The following KLHL32 variants were observed in gnomAD, a reference collection of about 807,000 sequenced individuals.
The protein encoded by KLHL32 is kelch like family member 32.
KLHL32 carries 35 observed loss-of-function variants against 64.8 expected under a neutral mutation model. The observed-to-expected ratio is 0.54, with a 90% CI of 0.41 to 0.72. The LOEUF (loss-of-function observed/expected upper bound fraction) is 0.72, where lower values mean the gene tolerates loss of function less well. Among genes scored for constraint, KLHL32 ranks in the 30% least tolerant of loss-of-function variants. The probability of loss-of-function intolerance (pLI) is 0.00; values close to 1 mark genes in which losing one functional copy is unlikely to be tolerated. For synonymous variants in KLHL32, 259 were observed against 281.0 expected (o/e 0.92, Z 0.78); for missense variants, 589 against 768.5 (o/e 0.77, Z 2.76).
chr6:97,006,203 A>T (rs1779641917), intron 3 of KLHL32, among the ~76,000 whole-genome samples: 1 of 152,198 alleles, frequency 6.6e-6, no homozygotes, highest in Non-Finnish European at 1.5e-5. Context: ...TATTAGGTGC[A>T]TACATATTTA....
intron 6 of KLHL32, among the ~76,000 whole-genome samples, chr6:97,099,091 A>G (rs1367888473): frequency 6.6e-6 from 1 of 152,228 alleles, no homozygotes; most frequent in East Asian, 1.9e-4. Flanking sequence ...TTTCTGGTCT[A>G]AGCCTGACTG....
chr6:97,015,478 G>A (rs907041363), intron 3 of KLHL32, among the ~76,000 whole-genome samples: 1 of 152,186 alleles, frequency 6.6e-6, no homozygotes, highest in African/African-American at 2.4e-5. Context: ...TTGGGAACTG[G>A]AGCAAAGGTC....
chr6:97,038,646 A>G (rs1784645331), intron 3 of KLHL32, among the ~76,000 whole-genome samples: 1 of 152,180 alleles, frequency 6.6e-6, no homozygotes, highest in South Asian at 2.1e-4. Flanking sequence ...TGACTCAGCA[A>G]TTTTACTACT....
At chr6:97,117,069 G>T (rs180825297) in intron 7 of KLHL32, among the ~76,000 whole-genome samples, 3 of 152,148 alleles carry the variant, frequency 2.0e-5, no homozygotes, top group African/African-American at 7.2e-5. Context: ...TCAGTCATCT[G>T]CCTCTTTCCT....
At chr6:96,988,223 C>T (rs573304682) in intron 3 of KLHL32, among the ~76,000 whole-genome samples, 2 of 152,298 alleles carry the variant, frequency 1.3e-5, no homozygotes, top group East Asian at 3.9e-4. Context: ...GGGCTAATAT[C>T]CAGAATCTAC....
chr6:97,032,331 A>G (rs1302112054), intron 3 of KLHL32, among the ~76,000 whole-genome samples: 1 of 152,220 alleles, frequency 6.6e-6, no homozygotes, highest in East Asian at 1.9e-4. Flanking sequence ...TTGTATTGAT[A>G]TAAAATGATT....
chr6:97,077,612 T>TA, intron 5 of KLHL32, among the ~76,000 whole-genome samples: 1 of 152,320 alleles, frequency 6.6e-6, no homozygotes. Context: ...AAAAACCCAG[T>TA]ACCTAGATAG....
chr6:97,027,161 C>CAAAA (rs59057028), intron 3 of KLHL32, among the ~76,000 whole-genome samples: 1 of 110,692 alleles, frequency 9.0e-6, no homozygotes, highest in African/African-American at 2.9e-5. Context: ...GATTCCCTCT[C>CAAAA]AAAAAAAAAA....
chr6:96,973,730 C>CTCTTTCTTTTTTTTTTTTTTTTT (rs1554208428), intron 2 of KLHL32, among the ~76,000 whole-genome samples: 2 of 118,256 alleles, frequency 1.7e-5, no homozygotes, highest in Admixed American at 8.4e-5. Context: ...TACAGATTGC[C>CTCTTTCTTTTTTTTTTTTTTTTT]TTTTTTTTTT....
At chr6:96,919,313 GA>G in the KLHL32 span, among the ~76,000 whole-genome samples, 251 of 152,200 alleles carry the variant, frequency 1.6e-3, 6 homozygotes, top group East Asian at 0.016. Context: ...CTAACACAAG[GA>G]ACTCTGATTT....
intron 5 of KLHL32, among the ~76,000 whole-genome samples, chr6:97,084,802 C>T (rs1793134443): frequency 6.6e-6 from 1 of 152,062 alleles, no homozygotes; most frequent in Non-Finnish European, 1.5e-5. Context: ...AAAGCAATTG[C>T]CCTCATTAGT....
intron 5 of KLHL32, among the ~76,000 whole-genome samples, chr6:97,081,463 C>A (rs1792508771): frequency 6.6e-6 from 1 of 152,158 alleles, no homozygotes; most frequent in African/African-American, 2.4e-5. Flanking sequence ...CTGGGAGGGG[C>A]AGTCTATTCT....
At chr6:97,007,381 T>G (rs2128086497) in intron 3 of KLHL32, among the ~76,000 whole-genome samples, 1 of 152,352 alleles carries the variant, frequency 6.6e-6, no homozygotes, top group Admixed American at 6.5e-5. Flanking sequence ...TTTTCGCTCC[T>G]GTTTCATTTT....
At chr6:97,044,318 G>A (rs1273015444) in intron 4 of KLHL32, among the ~76,000 whole-genome samples, 2 of 151,986 alleles carry the variant, frequency 1.3e-5, no homozygotes, top group Non-Finnish European at 2.9e-5. Flanking sequence ...TGCATATGTT[G>A]AATCATCATT....
intron 3 of KLHL32, among the ~76,000 whole-genome samples, chr6:97,010,888 T>C (rs1358091707): frequency 6.6e-6 from 1 of 152,208 alleles, no homozygotes; most frequent in African/African-American, 2.4e-5. Flanking sequence ...TATTAGAAAT[T>C]TGAAGTACCA....
At chr6:96,976,275 C>A in intron 3 of KLHL32, 98 bp downstream of exon 3, 2 of 1,152,844 alleles carry the variant, frequency 1.7e-6, no homozygotes, top group East Asian at 2.6e-5. Flanking sequence ...TAGGTGGTAC[C>A]CCCAGAGCTG....
upstream of KLHL32, among the ~76,000 whole-genome samples, chr6:96,921,502 C>A (rs562715550): frequency 6.6e-6 from 1 of 152,174 alleles, no homozygotes; most frequent in Non-Finnish European, 1.5e-5. Context: ...TAGAGAACAT[C>A]AGCCAAAAAT....
chr6:97,087,374 T>G (rs532383410), intron 6 of KLHL32, among the ~76,000 whole-genome samples: 2 of 152,186 alleles, frequency 1.3e-5, no homozygotes, highest in South Asian at 4.1e-4. Context: ...CAGCCCAGAG[T>G]AGAGATTGGG....
chr6:97,030,657 TTG>T (rs1783408852), intron 3 of KLHL32, among the ~76,000 whole-genome samples: 1 of 152,240 alleles, frequency 6.6e-6, no homozygotes, highest in African/African-American at 2.4e-5. Flanking sequence ...TGGCAGAATG[TTG>T]TGACTTGATA....
Sources: allele counts gnomAD v4.1 joint callset (sites outside exome capture counted in the v4.1 genomes callset), GRCh38; gene constraint gnomAD v4.1.1; transcripts MANE v1.5; gene names NCBI Gene and HGNC (gene_info 2026-07-23, HGNC 2026-07-21).